Variants in HAPSTR1 observed in about 807,000 individuals in gnomAD.
The protein encoded by HAPSTR1 is HUWE1 associated protein modifying stress responses, also known as HUWE1-associated protein modifying stress responses 1.
At chr16:9,091,725 A>G in the HAPSTR1 span, 1 of 397,662 alleles carries the variant, frequency 2.5e-6, no homozygotes, top group Non-Finnish European at 4.4e-6. Flanking sequence ...GGCAGTGGGG[A>G]GGCCGCAGCG....
chr16:9,117,551 A>T, the HAPSTR1 span: 1 of 153,018 alleles, frequency 6.5e-6, no homozygotes, highest in East Asian at 1.9e-4. Flanking sequence ...GCTTTATTGG[A>T]TTCACTTTGT....
chr16:9,113,448 A>G, the HAPSTR1 span, among the ~76,000 whole-genome samples: 1 of 152,208 alleles, frequency 6.6e-6, no homozygotes, highest in Non-Finnish European at 1.5e-5. Context: ...TGAAACAATA[A>G]GGAACATTTG....
the HAPSTR1 span, among the ~76,000 whole-genome samples, chr16:9,095,721 G>C: frequency 2.0e-5 from 3 of 151,962 alleles, no homozygotes; most frequent in Admixed American, 1.3e-4. Flanking sequence ...TAATTGGTTT[G>C]GTTGGAATGT....
At chr16:9,106,587 A>G in the HAPSTR1 span, 2 of 151,648 alleles carry the variant, frequency 1.3e-5, no homozygotes, top group Non-Finnish European at 2.9e-5. Flanking sequence ...TGCTGGCCTC[A>G]AATAGTTTTT....
the HAPSTR1 span, among the ~76,000 whole-genome samples, chr16:9,096,198 C>T: frequency 6.6e-6 from 1 of 152,202 alleles, no homozygotes; most frequent in African/African-American, 2.4e-5. Context: ...GATTCTAGTA[C>T]AAGCTCTTAG....
At chr16:9,109,509 A>G in the HAPSTR1 span, 24 of 152,184 alleles carry the variant, frequency 1.6e-4, no homozygotes, top group African/African-American at 5.6e-4. Flanking sequence ...ACTGATTTTG[A>G]TGACATTCTT....
At chr16:9,094,340 C>A in the HAPSTR1 span, among the ~76,000 whole-genome samples, 1 of 152,120 alleles carries the variant, frequency 6.6e-6, no homozygotes, top group African/African-American at 2.4e-5. Context: ...GCTTCAACAT[C>A]TATCAGTGCT....
At chr16:9,111,857 A>G in the HAPSTR1 span, 4 of 152,168 alleles carry the variant, frequency 2.6e-5, no homozygotes, top group African/African-American at 7.2e-5. Flanking sequence ...CTTTTTTTCA[A>G]TGTATAAATA....
At chr16:9,110,809 G>T in the HAPSTR1 span, 2 of 152,276 alleles carry the variant, frequency 1.3e-5, no homozygotes, top group African/African-American at 4.8e-5. Context: ...AGGCCAAGGC[G>T]GGTGAATCAC....
chr16:9,097,197 C>G, the HAPSTR1 span, among the ~76,000 whole-genome samples: 1 of 151,816 alleles, frequency 6.6e-6, no homozygotes, highest in East Asian at 1.9e-4. Context: ...GCCTTGGCCT[C>G]CCATAATGGT....
chr16:9,100,573 G>T, the HAPSTR1 span, among the ~76,000 whole-genome samples: 1 of 151,310 alleles, frequency 6.6e-6, no homozygotes, highest in Non-Finnish European at 1.5e-5. Flanking sequence ...TTACTCTTTC[G>T]CCCAGGCTGG....
chr16:9,108,131 T>A, the HAPSTR1 span: 1 of 152,168 alleles, frequency 6.6e-6, no homozygotes, highest in Non-Finnish European at 1.5e-5. Context: ...CCATTAAACC[T>A]ACTCTTTCAG....
At chr16:9,112,694 A>G in the HAPSTR1 span, 5 of 152,340 alleles carry the variant, frequency 3.3e-5, no homozygotes, top group African/African-American at 1.2e-4. Context: ...TTGGTATGAA[A>G]ATAATAGTTA....
chr16:9,116,555 T>C, the HAPSTR1 span: 3 of 1,368,466 alleles, frequency 2.2e-6, no homozygotes, highest in African/African-American at 2.9e-5. Flanking sequence ...TAATCCCTTA[T>C]AAAGGAAATA....
At chr16:9,091,750 TAGAC>T in the HAPSTR1 span, 19 of 397,104 alleles carry the variant, frequency 4.8e-5, no homozygotes, top group Non-Finnish European at 7.1e-5. Context: ...GGGGGGGCGT[TAGAC>T]AGGCTGCGGC....
chr16:9,096,508 C>T, the HAPSTR1 span, among the ~76,000 whole-genome samples: 3 of 152,178 alleles, frequency 2.0e-5, no homozygotes, highest in African/African-American at 7.2e-5. Flanking sequence ...CTTTATATGT[C>T]TCACTTCAGT....
chr16:9,091,647 C>G, the HAPSTR1 span: 1 of 397,898 alleles, frequency 2.5e-6, no homozygotes, highest in Non-Finnish European at 4.4e-6. Flanking sequence ...CGACGTTGCT[C>G]AGTCTTGGGG....
the HAPSTR1 span, chr16:9,091,926 A>G: frequency 1.2e-6 from 1 of 836,178 alleles, no homozygotes; most frequent in Non-Finnish European, 1.7e-6. Flanking sequence ...CTGAAAGGAG[A>G]AGGCGCCGTC....
the HAPSTR1 span, chr16:9,120,655 G>T: frequency 1.4e-5 from 2 of 146,020 alleles, no homozygotes; most frequent in South Asian, 4.4e-4. Flanking sequence ...TTATACATTA[G>T]AAGTAATATG....
Sources: gnomAD v4.1 joint callset for allele counts (sites outside exome capture counted in the v4.1 genomes callset) on GRCh38, gnomAD v4.1.1 for gene constraint, MANE v1.5 for transcripts, NCBI Gene and HGNC (gene_info 2026-07-23, HGNC 2026-07-21) for gene names.